The following SPINDOC variants were observed in gnomAD, a reference collection of about 807,000 sequenced individuals.
SPINDOC encodes the protein spindlin interactor and repressor of chromatin binding, also known as spindlin interactor and repressor of chromatin-binding protein.
SPINDOC carries 13 observed loss-of-function variants against 30.7 expected under a neutral mutation model. The ratio of observed to expected loss-of-function variants is 0.42; its 90% CI spans 0.28 to 0.67. The LOEUF is 0.67. SPINDOC is among the 30% of genes least tolerant of loss of function. The pLI is 0.22. For synonymous variants in SPINDOC, 228 were observed against 211.4 expected (o/e 1.08, Z -0.68); for missense variants, 438 against 518.0 (o/e 0.85, Z 1.50).
At chr11:63,824,228 C>G (rs1183333837) in intron 5 of SPINDOC, among the ~76,000 whole-genome samples, 2 of 152,156 alleles carry the variant, frequency 1.3e-5, no homozygotes, top group Non-Finnish European at 2.9e-5. Context: ...TCTTTATGAT[C>G]TCGTGGTTAC....
At chr11:63,826,466 C>T (rs1420559415) in intron 5 of SPINDOC, among the ~76,000 whole-genome samples, 1 of 152,138 alleles carries the variant, frequency 6.6e-6, no homozygotes, top group Admixed American at 6.5e-5. Context: ...TTCTGTCCCC[C>T]ACGTAGTCCC....
chr11:63,823,635 G>A (rs1349354284), intron 5 of SPINDOC, among the ~76,000 whole-genome samples: 2 of 152,096 alleles, frequency 1.3e-5, no homozygotes, highest in South Asian at 4.2e-4. Flanking sequence ...TCGCTCTGTC[G>A]CCCAGGCTGG....
rs1041878473 is a variant in SPINDOC, at chr11:63,827,556, C to CA, written c.*418dup. 8 of 233,106 alleles carry CA rather than the reference C, an allele frequency of 3.4e-5. No homozygotes were observed. The highest frequency in any genetic ancestry group is 1.8e-4 in the African/African-American group (8 of 45,332). 14.4% of individuals were successfully genotyped at this position (233,106 alleles called of 1,614,324 possible). A position where few individuals can be genotyped will look rare whatever the true frequency, so the allele number is the denominator to read the frequency against. ...GGGACACCTCTCCTCCCCACTTGTTCAGGCTTCTAAACCAGGAGGCCTCCA... is the reference window on the plus strand; with the variant it reads ...GGGACACCTCTCCTCCCCACTTGTTCAAGGCTTCTAAACCAGGAGGCCTCCA... On this transcript the variant is annotated 3_prime_UTR_variant, in exon 6 of 6. Transcript: ENST00000294244.
chr11:63,821,788 G>T (rs2015528816), intron 5 of SPINDOC, among the ~76,000 whole-genome samples: 1 of 152,136 alleles, frequency 6.6e-6, no homozygotes, highest in African/African-American at 2.4e-5. Flanking sequence ...CAGAGTCCCT[G>T]CCCAGGCTGG....
At chr11:63,826,897 C>T (rs1224095888) in intron 5 of SPINDOC, 31 bp from the exon 6 acceptor site, 8 of 1,143,786 alleles carry the variant, frequency 7.0e-6, no homozygotes, top group Non-Finnish European at 9.2e-6. Flanking sequence ...CTGGGGGGCT[C>T]TGACTGCTCT....
At position 63,817,857 on chromosome 11, in the gene SPINDOC, C is replaced by T; in HGVS notation, c.180C>T (p.Gly60=). ...CTAGACCCAGCCCGCTAGAGGCAGG[C>T]AGTGATGGCTGTGAGGAGCCGAAGC... The part of the protein sequence containing the change: ...PPPRPSPLEA[G]SDGCEEPKQQ... The change falls in exon 2 of 6, where the codon GGC becomes GGT. Residue 60 remains glycine (G), a synonymous_variant. Transcript: ENST00000294244. The T allele has an allele frequency of 6.2e-7, 1 of 1,610,216 alleles. No individual in the cohort carries two copies. Among genetic ancestry groups the T allele is most frequent in the Non-Finnish European group, 8.5e-7 (1 of 1,178,396 alleles).
chr11:63,821,733 A>G (rs1023859339), intron 5 of SPINDOC, among the ~76,000 whole-genome samples: 1 of 152,184 alleles, frequency 6.6e-6, no homozygotes, highest in Non-Finnish European at 1.5e-5. Flanking sequence ...TCCTGAGAGT[A>G]GGGCTCTCAA....
rs1245503828 is a variant in SPINDOC at position 63,813,706 on chromosome 11, G to T, written c.20G>T (p.Gly7Val). 1 of 1,583,114 alleles carries T rather than the reference G, an allele frequency of 6.3e-7. No individual in the cohort carries two copies. Among genetic ancestry groups the T allele is most frequent in the Admixed American group, 1.8e-5 (1 of 55,452 alleles). The change falls in exon 1 of 6, where the codon GGC becomes GTC. Residue 7 changes from glycine (G) to valine (V), a missense_variant. Gly to Val is a moderately radical substitution (Grantham distance 109). This residue lies in a region of SPINDOC where 129 missense variants were observed against 152.7 expected (regional missense o/e 0.84). Transcript: ENST00000294244. MALKAE[G>V]AALDCFEVTL... ...CGCACCATGGCCCTAAAGGCCGAGG[G>T]CGCCGCACTCGACTGCTTCGAGGTG...
At chr11:63,826,457 T>G (rs2015657785) in intron 5 of SPINDOC, among the ~76,000 whole-genome samples, 1 of 152,142 alleles carries the variant, frequency 6.6e-6, no homozygotes, top group Non-Finnish European at 1.5e-5. Context: ...AGGGGTCTTT[T>G]CTGTCCCCCA....
intron 1 of SPINDOC, 38 bp downstream of exon 1, chr11:63,813,851 C>T (rs756568682): frequency 2.7e-6 from 4 of 1,474,180 alleles, no homozygotes; most frequent in Non-Finnish European, 3.6e-6. Flanking sequence ...CGTCACGGTG[C>T]GGGGCCGGGG....
In SPINDOC at chr11:63,818,123, C is replaced by T. The variant is rs2015395860; in HGVS notation, c.446C>T (p.Pro149Leu). 12 of 1,613,936 alleles carry T rather than the reference C, an allele frequency of 7.4e-6. No homozygotes were observed. Among genetic ancestry groups the T allele is most frequent in the Non-Finnish European group, 1.0e-5 (12 of 1,179,882 alleles). The change falls in exon 2 of 6, where the codon CCA becomes CTA. Residue 149 changes from proline (P) to leucine (L), a missense_variant. Around this residue, in one of 3 missense-constraint regions of SPINDOC, gnomAD observed 300 missense variants for 332.8 expected, o/e 0.90. Coordinates refer to ENST00000294244, the MANE Select transcript of SPINDOC (RefSeq NM_138471.3). The surrounding 1 kb of genome is among the most constrained non-coding windows in gnomAD (Gnocchi z 5.3). ...GACGTGAGAGCTGAGCAGCCGTCCC[C>T]ACCCAACTCAGGTAGTTGGTCCTGG... ...LQDVRAEQPS[P>L]PNSDSGQDAH...
Position 63,818,061 on chromosome 11 carries a change from C to A in SPINDOC, c.384C>A (p.Ile128=). The change falls in exon 2 of 6, where the codon ATC becomes ATA. Residue 128 remains isoleucine, a synonymous_variant. Coordinates refer to ENST00000294244, the MANE Select transcript of SPINDOC (RefSeq NM_138471.3). This position sits in a 1 kb window ranked among gnomAD's most constrained non-coding sequence, Gnocchi z 5.3. ...TGAGCCCTTCTGAGAAGAGCAATAT[C>A]CTGGAGGCCTGGAGTGAAGGGGTGG... ...LDLSPSEKSN[I]LEAWSEGVAL... 1 of 1,614,190 alleles carries A rather than the reference C, an allele frequency of 6.2e-7. No homozygotes were observed. Among genetic ancestry groups the A allele is most frequent in the Non-Finnish European group, 8.5e-7 (1 of 1,180,038 alleles).
At chr11:63,823,556 CAAGT>C (rs2015583669) in intron 5 of SPINDOC, among the ~76,000 whole-genome samples, 1 of 152,096 alleles carries the variant, frequency 6.6e-6, no homozygotes, top group Non-Finnish European at 1.5e-5. Flanking sequence ...GACCCACTGA[CAAGT>C]AATGGAAAGA....
chr11:63,820,633 T>C (rs2135149540), intron 5 of SPINDOC, among the ~76,000 whole-genome samples: 1 of 151,942 alleles, frequency 6.6e-6, no homozygotes, highest in African/African-American at 2.4e-5. Flanking sequence ...GGCTCACGCC[T>C]GTAATCCCAG....
Position 63,827,463 on chromosome 11 carries a change from C to T in SPINDOC, c.*324C>T. Reference sequence around the variant, plus strand: ...CACCCTCCCCCTGCTCCCCACCATTCTCCCTTGGCACAGTGCCTTACACAA... The same window carrying T: ...CACCCTCCCCCTGCTCCCCACCATTTTCCCTTGGCACAGTGCCTTACACAA... On this transcript the variant is annotated 3_prime_UTR_variant, in exon 6 of 6. Coordinates refer to ENST00000294244, the MANE Select transcript of SPINDOC (RefSeq NM_138471.3). 1 of 413,562 alleles carries T rather than the reference C, an allele frequency of 2.4e-6. No homozygotes were observed. The highest frequency in any genetic ancestry group is 4.5e-6 in the Non-Finnish European group (1 of 222,098). 25.6% of individuals were successfully genotyped at this position (413,562 alleles called of 1,614,324 possible).
chr11:63,817,649 G>A (rs905628582), intron 1 of SPINDOC, among the ~76,000 whole-genome samples, 156 bp from the exon 2 acceptor site: 10 of 152,322 alleles, frequency 6.6e-5, no homozygotes, highest in Admixed American at 5.2e-4. Context: ...TGAGTGTGGC[G>A]TGTGCCTCAT....
intron 1 of SPINDOC, among the ~76,000 whole-genome samples, chr11:63,817,153 CCTGGG>C (rs879742282): frequency 2.6e-5 from 4 of 151,660 alleles, no homozygotes; most frequent in Non-Finnish European, 5.9e-5. Context: ...TGTACTCCAG[CCTGGG>C]TGACAAAATG....
intron 1 of SPINDOC, among the ~76,000 whole-genome samples, chr11:63,817,303 G>A (rs891513635): frequency 6.6e-5 from 10 of 151,780 alleles, no homozygotes; most frequent in Non-Finnish European, 1.5e-4. Context: ...CTGAGATTAC[G>A]CCATTGCATT....
chr11:63,818,409 T>G lies in SPINDOC; in HGVS notation c.607+44T>G, dbSNP rs1310385254. 3.7e-6 allele frequency: 6 copies of G among 1,608,202 alleles called. 1 individual carries two copies. Among genetic ancestry groups the G allele is most frequent in the African/African-American group, 1.3e-5 (1 of 74,480 alleles). ...CAGTGAGCCCCGGTGGAGGTGGGGG[T>G]TTGGGGACAGGGTGAAATACAGGCC... On this transcript the variant is annotated intron_variant, in intron 3 of 5. Coordinates refer to ENST00000294244, the MANE Select transcript of SPINDOC (RefSeq NM_138471.3). This position sits in a 1 kb window ranked among gnomAD's most constrained non-coding sequence, Gnocchi z 5.3.
Sources: allele counts gnomAD v4.1 joint callset (sites outside exome capture counted in the v4.1 genomes callset), GRCh38; gene constraint gnomAD v4.1.1; regional missense constraint gnomAD v4.1.1; non-coding constraint Gnocchi (gnomAD v3.1); transcripts MANE v1.5; gene names NCBI Gene and HGNC (gene_info 2026-07-23, HGNC 2026-07-21).